Variants in XYLT1 observed in about 807,000 individuals in gnomAD.
XYLT1 encodes the protein xylosyltransferase 1.
Under a neutral mutation model 91.3 loss-of-function variants are expected in XYLT1, and 36 were observed. The observed-to-expected ratio is 0.39, with a 90% CI of 0.30 to 0.52. The LOEUF is 0.52. Among genes scored for constraint, XYLT1 ranks in the 20% least tolerant of loss-of-function variants. The probability of loss-of-function intolerance (pLI) is 0.68; values close to 1 mark genes in which losing one functional copy is unlikely to be tolerated. For missense variants in XYLT1, 1,242 were observed against 1,284.5 expected (o/e 0.97, Z 0.51); for synonymous variants, 588 against 532.0 (o/e 1.11, Z -1.45).
At chr16:17,274,947 C>A (rs1033836636) in intron 2 of XYLT1, among the ~76,000 whole-genome samples, 2 of 152,020 alleles carry the variant, frequency 1.3e-5, no homozygotes, top group Admixed American at 6.6e-5. Flanking sequence ...GAGGCTGAGG[C>A]GTGGGAATTA....
At chr16:17,267,651 C>T (rs1176317843) in intron 2 of XYLT1, among the ~76,000 whole-genome samples, 2 of 152,150 alleles carry the variant, frequency 1.3e-5, no homozygotes, top group Admixed American at 6.5e-5. Flanking sequence ...CCTCATGATC[C>T]GCCCGCCTCA....
chr16:17,317,101 C>T (rs746830904), intron 2 of XYLT1, among the ~76,000 whole-genome samples: 1 of 151,918 alleles, frequency 6.6e-6, no homozygotes, highest in African/African-American at 2.4e-5. Context: ...GGATTACAGG[C>T]GTGAGCCACC....
At chr16:17,297,928 G>A (rs1422164004) in intron 2 of XYLT1, among the ~76,000 whole-genome samples, 1 of 152,048 alleles carries the variant, frequency 6.6e-6, no homozygotes, top group African/African-American at 2.4e-5. Context: ...GGCTGAGGCA[G>A]GAGAATGGCG....
At chr16:17,196,622 C>A (rs1454064207) in intron 5 of XYLT1, among the ~76,000 whole-genome samples, 1 of 152,014 alleles carries the variant, frequency 6.6e-6, no homozygotes, top group East Asian at 1.9e-4. Flanking sequence ...TTTTAGGACC[C>A]CTTCATCTAG....
At chr16:17,447,667 T>C (rs1053831720) in intron 1 of XYLT1, among the ~76,000 whole-genome samples, 2 of 152,220 alleles carry the variant, frequency 1.3e-5, no homozygotes, top group South Asian at 2.1e-4. Context: ...GAGGTGCTTA[T>C]GGGATGCTCT....
chr16:17,383,492 C>T (rs1053298968), intron 1 of XYLT1, among the ~76,000 whole-genome samples: 2 of 151,870 alleles, frequency 1.3e-5, no homozygotes, highest in African/African-American at 4.8e-5. Context: ...GGGTCTTATC[C>T]ACTTGTTTTC....
intron 2 of XYLT1, among the ~76,000 whole-genome samples, chr16:17,308,807 G>A (rs1357561089): frequency 2.0e-5 from 3 of 152,084 alleles, no homozygotes; most frequent in African/African-American, 7.2e-5. Flanking sequence ...CCCAATAAAT[G>A]AAATTTATTA....
chr16:17,315,095 C>T (rs746469408), intron 2 of XYLT1, among the ~76,000 whole-genome samples: 1 of 152,102 alleles, frequency 6.6e-6, no homozygotes, highest in Non-Finnish European at 1.5e-5. Flanking sequence ...GGATGGCCCA[C>T]CTGGGGAAAA....
intron 10 of XYLT1, among the ~76,000 whole-genome samples, chr16:17,124,756 A>G (rs1415240336): frequency 1.3e-5 from 2 of 151,674 alleles, no homozygotes; most frequent in Non-Finnish European, 2.9e-5. Flanking sequence ...GTTGTTTAAC[A>G]TACTCCCAAA....
chr16:17,233,287 A>T (rs2033196206), intron 3 of XYLT1, among the ~76,000 whole-genome samples: 1 of 152,180 alleles, frequency 6.6e-6, no homozygotes, highest in Admixed American at 6.5e-5. Context: ...GCACCAGAAG[A>T]CAAGTTTCAT....
Position 17,104,420 on chromosome 16 carries a change from C to T in XYLT1, c.*4275G>A, listed in dbSNP as rs1468491606. ...ACCAGGAGAGCTGAATGATCCATCC[C>T]CCCTCTGTGGAATGGTCTCTTGAGG... On this transcript the variant is annotated 3_prime_UTR_variant, in exon 12 of 12. Coordinates refer to ENST00000261381, the MANE Select transcript of XYLT1 (RefSeq NM_022166.4). 1 of 152,194 alleles carries T rather than the reference C, an allele frequency of 6.6e-6. No homozygotes were observed. Among genetic ancestry groups the T allele is most frequent in the Admixed American group, 6.5e-5 (1 of 15,276 alleles). The allele number at this position is 152,194 out of a possible 1,614,324, so 9.4% of individuals were successfully genotyped here.
At chr16:17,139,043 A>G (rs1484462730) in intron 7 of XYLT1, among the ~76,000 whole-genome samples, 5 of 152,182 alleles carry the variant, frequency 3.3e-5, no homozygotes, top group African/African-American at 1.2e-4. Context: ...TGTCCATGGT[A>G]CTGAACCAGG....
chr16:17,190,697 A>G (rs911643442), intron 5 of XYLT1, among the ~76,000 whole-genome samples: 1 of 152,114 alleles, frequency 6.6e-6, no homozygotes, highest in Non-Finnish European at 1.5e-5. Flanking sequence ...TCTATCATTG[A>G]TGGACATTTG....
At chr16:17,212,229 T>C (rs1249890203) in intron 3 of XYLT1, among the ~76,000 whole-genome samples, 1 of 152,230 alleles carries the variant, frequency 6.6e-6, no homozygotes, top group Non-Finnish European at 1.5e-5. Flanking sequence ...CAGGTGATTG[T>C]GATACAGGCT....
At chr16:17,205,506 T>C (rs888786446) in intron 3 of XYLT1, among the ~76,000 whole-genome samples, 3 of 152,240 alleles carry the variant, frequency 2.0e-5, no homozygotes, top group African/African-American at 7.2e-5. Flanking sequence ...AAAATGGGTA[T>C]GTATAATCAC....
chr16:17,232,034 G>A (rs1018123132), intron 3 of XYLT1, among the ~76,000 whole-genome samples: 1 of 149,394 alleles, frequency 6.7e-6, no homozygotes, highest in African/African-American at 2.5e-5. Context: ...AATAGTCAAC[G>A]ATGGACTGCA....
intron 2 of XYLT1, among the ~76,000 whole-genome samples, chr16:17,284,412 T>C (rs553343941): frequency 5.3e-5 from 8 of 152,172 alleles, no homozygotes; most frequent in African/African-American, 1.9e-4. Flanking sequence ...GGGGGAGAGA[T>C]AATAGAGAAA....
chr16:17,277,521 G>C (rs2310849), intron 2 of XYLT1, among the ~76,000 whole-genome samples: 82,978 of 151,780 alleles, frequency 0.55, 24,530 homozygotes, highest in African/African-American at 0.78. Context: ...TCCTGAGTAG[G>C]TGGGATTACA....
intron 1 of XYLT1, among the ~76,000 whole-genome samples, chr16:17,359,836 C>T (rs1262638269): frequency 6.6e-6 from 1 of 152,176 alleles, no homozygotes; most frequent in Non-Finnish European, 1.5e-5. Flanking sequence ...CATAGAGCAA[C>T]TTTCTTTTGA....
Sources: gnomAD v4.1 joint callset for allele counts (sites outside exome capture counted in the v4.1 genomes callset) on GRCh38, gnomAD v4.1.1 for gene constraint, MANE v1.5 for transcripts, NCBI Gene and HGNC (gene_info 2026-07-23, HGNC 2026-07-21) for gene names.